Variants in DNM3 observed in about 807,000 individuals in gnomAD.
DNM3 encodes dynamin 3, also known as dynamin-3.
A neutral mutation model predicts 101.6 loss-of-function variants in DNM3; 47 were observed. That is an observed-to-expected ratio of 0.46 (90% CI 0.37 to 0.59). The LOEUF (loss-of-function observed/expected upper bound fraction) is 0.59, where lower values mean the gene tolerates loss of function less well. DNM3 is among the 20% of genes least tolerant of loss of function. The pLI, the probability that DNM3 is intolerant of heterozygous loss-of-function variation, is 0.00. For missense variants in DNM3, 849 were observed against 1,085.7 expected (o/e 0.78, Z 3.06); for synonymous variants, 385 against 387.9 (o/e 0.99, Z 0.09).
chr1:171,868,145 A>G (rs879726192), intron 1 of DNM3, among the ~76,000 whole-genome samples: 3 of 152,126 alleles, frequency 2.0e-5, no homozygotes, highest in Non-Finnish European at 4.4e-5. Context: ...TTTTCTACCC[A>G]GTGTCATCCC....
At chr1:172,028,451 C>A (rs1213293736) in intron 4 of DNM3, among the ~76,000 whole-genome samples, 1 of 152,124 alleles carries the variant, frequency 6.6e-6, no homozygotes, top group African/African-American at 2.4e-5. Context: ...ACTAAATGCC[C>A]ACAGGAGAAA....
chr1:172,418,167 C>A, intron 20 of DNM3: 1 of 805,852 alleles, frequency 1.2e-6, no homozygotes, highest in Non-Finnish European at 1.7e-6. Flanking sequence ...CTTTTGTGAG[C>A]TATTTTTGCA....
intron 2 of DNM3, among the ~76,000 whole-genome samples, chr1:171,948,680 C>T (rs1398847424): frequency 6.6e-6 from 1 of 152,146 alleles, no homozygotes; most frequent in African/African-American, 2.4e-5. Context: ...TGTTAACATA[C>T]TTCCTCAAAC....
intron 1 of DNM3, among the ~76,000 whole-genome samples, chr1:171,898,705 T>TAGAG (rs60596739): frequency 0.25 from 37,519 of 150,166 alleles, 4,960 homozygotes; most frequent in Admixed American, 0.3. Context: ...TATATATATA[T>TAGAG]AGAGAGAGAG....
chr1:172,014,934 C>T (rs2224395), intron 4 of DNM3, among the ~76,000 whole-genome samples: 258 of 152,108 alleles, frequency 1.7e-3, no homozygotes, highest in African/African-American at 6.0e-3. Flanking sequence ...GGGTCTATTA[C>T]CCACCTTGAG....
chr1:172,053,566 T>C (rs2125880134), intron 10 of DNM3, among the ~76,000 whole-genome samples: 1 of 152,324 alleles, frequency 6.6e-6, no homozygotes, highest in Middle Eastern at 3.4e-3. Context: ...CTGTGTTTTT[T>C]ATCTTCTCTC....
At chr1:172,039,549 T>G (rs931461318) in intron 7 of DNM3, among the ~76,000 whole-genome samples, 1 of 152,072 alleles carries the variant, frequency 6.6e-6, no homozygotes, top group Non-Finnish European at 1.5e-5. Flanking sequence ...CTCTTCAAGT[T>G]ACAGAGAAAG....
At chr1:172,103,512 C>G (rs2054800031) in intron 13 of DNM3, among the ~76,000 whole-genome samples, 1 of 152,192 alleles carries the variant, frequency 6.6e-6, no homozygotes, top group African/African-American at 2.4e-5. Context: ...ATGTGCCATA[C>G]TTAATTCACA....
intron 1 of DNM3, among the ~76,000 whole-genome samples, chr1:171,869,567 A>C (rs2035081580): frequency 6.6e-6 from 1 of 152,218 alleles, no homozygotes; most frequent in Non-Finnish European, 1.5e-5. Flanking sequence ...ATCCATATAG[A>C]AACTTAAGCT....
chr1:172,107,726 C>G (rs930063359), intron 13 of DNM3, among the ~76,000 whole-genome samples: 5 of 152,088 alleles, frequency 3.3e-5, no homozygotes, highest in African/African-American at 1.2e-4. Context: ...CAATAGTGCT[C>G]TTTTGTTATT....
At position 172,407,979 on chromosome 1, in the gene DNM3, C is replaced by T. The variant is rs1446293590; in HGVS notation, c.*138C>T. The stretch of plus-strand genomic sequence containing the variant: ...TAACCAGTTTTACTAATGCATTCAT[C>T]GCTCATCTTCATTGCTCATGGTATG... On this transcript the variant is annotated 3_prime_UTR_variant, in exon 21 of 21. Coordinates refer to ENST00000627582, the MANE Select transcript of DNM3 (RefSeq NM_015569.5). 8.3e-5 allele frequency: 127 copies of T among 1,529,330 alleles called. No homozygotes were observed. Among genetic ancestry groups the T allele is most frequent in the Non-Finnish European group, 1.1e-4 (124 of 1,138,094 alleles). The allele number at this position is 1,529,330 out of a possible 1,614,324, so 94.7% of individuals were successfully genotyped here. A position where few individuals can be genotyped will look rare whatever the true frequency, so the allele number is the denominator to read the frequency against.
chr1:172,248,977 T>C (rs2062063162), intron 14 of DNM3, among the ~76,000 whole-genome samples: 1 of 152,166 alleles, frequency 6.6e-6, no homozygotes, highest in Non-Finnish European at 1.5e-5. Flanking sequence ...GAAGAAAAGG[T>C]ATGAACAAAT....
chr1:171,953,749 A>G (rs556833177), intron 2 of DNM3, among the ~76,000 whole-genome samples: 31 of 152,252 alleles, frequency 2.0e-4, no homozygotes, highest in African/African-American at 6.7e-4. Context: ...TTTACAATAC[A>G]TCATTTTCTG....
chr1:171,991,861 G>A (rs1000260030), intron 4 of DNM3, among the ~76,000 whole-genome samples: 1 of 152,198 alleles, frequency 6.6e-6, no homozygotes, highest in Non-Finnish European at 1.5e-5. Flanking sequence ...GACTAAAAAT[G>A]CGTACCGCAA....
intron 17 of DNM3, among the ~76,000 whole-genome samples, chr1:172,378,547 G>A (rs2068731630): frequency 1.3e-5 from 2 of 152,010 alleles, no homozygotes; most frequent in Admixed American, 6.6e-5. Context: ...AGCTTTGAAT[G>A]TGGGAGGATC....
At chr1:172,285,612 G>A (rs1325113830) in intron 15 of DNM3, among the ~76,000 whole-genome samples, 1 of 152,092 alleles carries the variant, frequency 6.6e-6, no homozygotes, top group African/African-American at 2.4e-5. Context: ...TGTAATAAAG[G>A]CTCATATAAA....
At chr1:172,082,673 G>A (rs2053246161) in intron 12 of DNM3, among the ~76,000 whole-genome samples, 2 of 152,142 alleles carry the variant, frequency 1.3e-5, no homozygotes, top group African/African-American at 4.8e-5. Context: ...TACTTAAACT[G>A]AGTATTCAAG....
chr1:172,205,896 A>C (rs935648908), intron 14 of DNM3, among the ~76,000 whole-genome samples: 2 of 152,124 alleles, frequency 1.3e-5, no homozygotes, highest in Non-Finnish European at 2.9e-5. Flanking sequence ...TTCACAGTAC[A>C]TGACATTAAA....
intron 4 of DNM3, among the ~76,000 whole-genome samples, chr1:172,000,530 C>T (rs2046295258): frequency 6.6e-6 from 1 of 152,116 alleles, no homozygotes; most frequent in South Asian, 2.1e-4. Flanking sequence ...TGCATCCATT[C>T]AGTCACTTGT....
Sources: allele counts gnomAD v4.1 joint callset (sites outside exome capture counted in the v4.1 genomes callset), GRCh38; gene constraint gnomAD v4.1.1; transcripts MANE v1.5; gene names NCBI Gene and HGNC (gene_info 2026-07-23, HGNC 2026-07-21).